The following NMBR variants were observed in gnomAD, a reference collection of about 807,000 sequenced individuals.
The protein encoded by NMBR is neuromedin-B receptor.
In NMBR, 16 loss-of-function variants were observed where a neutral mutation model predicts 20.5. The observed-to-expected ratio is 0.78, with a 90% confidence interval of 0.53 to 1.19. NMBR has a LOEUF of 1.19. Ranked by LOEUF, NMBR falls within the 50% of genes most tolerant of loss-of-function variation. The probability of loss-of-function intolerance (pLI) is 0.00; values close to 1 mark genes in which losing one functional copy is unlikely to be tolerated. For synonymous variants in NMBR, 212 were observed against 196.6 expected (o/e 1.08, Z -0.65); for missense variants, 582 against 499.1 (o/e 1.17, Z -1.58).
At position 142,080,329 on chromosome 6, in the gene NMBR, T is replaced by TC. The variant is rs1430749695; in HGVS notation, c.423-1427_423-1426insG. Among the ~76,000 whole-genome samples, 4 of 149,652 alleles carry TC rather than the reference T, an allele frequency of 2.7e-5. No individual in the cohort carries two copies. In the South Asian group the frequency reaches 6.4e-4, roughly 24 times the overall value. ...CCTATATCTTTTTTTTTTTTTTTTTTTGACAGGGTCTCACTCTGTCACCCA... is the reference window on the plus strand; with the variant it reads ...CCTATATCTTTTTTTTTTTTTTTTTTCTGACAGGGTCTCACTCTGTCACCCA... On this transcript the variant is annotated intron_variant, in intron 2 of 3. Transcript: ENST00000258042.
chr6:142,108,127 A>G (rs2114586913), intron 1 of NMBR, among the ~76,000 whole-genome samples: 1 of 152,290 alleles, frequency 6.6e-6, no homozygotes, highest in East Asian at 1.9e-4. Context: ...AATGAAAGTA[A>G]CAGAAGTAGA....
At chr6:142,122,482 T>C (rs1028191290) in intron 1 of NMBR, among the ~76,000 whole-genome samples, 3 of 151,968 alleles carry the variant, frequency 2.0e-5, no homozygotes, top group Non-Finnish European at 4.4e-5. Flanking sequence ...AGATCTAAAA[T>C]AATTGATGAA....
rs150035800 is a variant in NMBR, at chr6:142,082,463, A to C, written c.423-3560T>G. ...ACTGAGTCTAATCTAATGATGCCTAAGACGCATCAATATTCAGAAACACAT... is the reference window on the plus strand; with the variant it reads ...ACTGAGTCTAATCTAATGATGCCTACGACGCATCAATATTCAGAAACACAT... On this transcript the variant is annotated intron_variant, in intron 2 of 3. Transcript: ENST00000258042. Among the ~76,000 whole-genome samples, 705 of 152,342 alleles carry C rather than the reference A, an allele frequency of 4.6e-3. 4 individuals are homozygous for C. The highest frequency in any genetic ancestry group is 6.6e-3 in the Non-Finnish European group (450 of 68,034).
At chr6:142,120,751 G>T (rs1408218311) in intron 1 of NMBR, among the ~76,000 whole-genome samples, 1 of 151,892 alleles carries the variant, frequency 6.6e-6, no homozygotes, top group African/African-American at 2.4e-5. Flanking sequence ...CTTAAATAAA[G>T]CTTCAAAGAT....
chr6:142,112,139 C>G (rs1004958760), intron 1 of NMBR, among the ~76,000 whole-genome samples: 3 of 151,998 alleles, frequency 2.0e-5, no homozygotes, highest in African/African-American at 7.3e-5. Context: ...CCAGCATGGG[C>G]AAAATGAAAA....
chr6:142,118,894 T>C (rs1264841453), intron 1 of NMBR, among the ~76,000 whole-genome samples: 1 of 151,958 alleles, frequency 6.6e-6, no homozygotes, highest in Non-Finnish European at 1.5e-5. Flanking sequence ...TTAGATTGGG[T>C]CCATAGGAAA....
chr6:142,121,983 C>T (rs1315408478), intron 1 of NMBR, among the ~76,000 whole-genome samples: 1 of 151,888 alleles, frequency 6.6e-6, no homozygotes, highest in Non-Finnish European at 1.5e-5. Flanking sequence ...CAGAACAAGA[C>T]ACACAGACAT....
At chr6:142,128,160 T>C (rs1778071185) in intron 1 of NMBR, among the ~76,000 whole-genome samples, 1 of 151,984 alleles carries the variant, frequency 6.6e-6, no homozygotes, top group Non-Finnish European at 1.5e-5. Context: ...TCCCCACGCT[T>C]TCTCTCTCTC....
chr6:142,109,340 G>A (rs1777717758), intron 1 of NMBR, among the ~76,000 whole-genome samples: 1 of 152,210 alleles, frequency 6.6e-6, no homozygotes, highest in South Asian at 2.1e-4. Flanking sequence ...ACTGGGACTC[G>A]AGGATATAAG....
At chr6:142,128,939 T>C (rs1778088802) in intron 1 of NMBR, among the ~76,000 whole-genome samples, 1 of 91,356 alleles carries the variant, frequency 1.1e-5, no homozygotes, top group South Asian at 4.0e-4. Context: ...GTATTCATTC[T>C]TCTTTGAATG....
chr6:142,114,102 A>G (rs1321316479), intron 1 of NMBR, among the ~76,000 whole-genome samples: 1 of 152,128 alleles, frequency 6.6e-6, no homozygotes, highest in Non-Finnish European at 1.5e-5. Context: ...TGCAGCTGCA[A>G]AGTGTTCTGG....
At chr6:142,119,885 T>C (rs112652903) in intron 1 of NMBR, among the ~76,000 whole-genome samples, 2,337 of 152,102 alleles carry the variant, frequency 0.015, 49 homozygotes, top group South Asian at 0.07. Flanking sequence ...GTTGGCTTCA[T>C]TTTAAGTATA....
At chr6:142,078,187 G>A (rs1158194988) in intron 3 of NMBR, among the ~76,000 whole-genome samples, 1 of 152,164 alleles carries the variant, frequency 6.6e-6, no homozygotes. Flanking sequence ...ATCCTTAGTG[G>A]GTTAATGGGA....
chr6:142,101,021 C>T (rs555235873), intron 1 of NMBR, among the ~76,000 whole-genome samples: 2 of 152,274 alleles, frequency 1.3e-5, no homozygotes, highest in Admixed American at 6.5e-5. Context: ...ATCAGGTAGC[C>T]TCCTGAGCCA....
chr6:142,102,840 C>A (rs962907451), intron 1 of NMBR, among the ~76,000 whole-genome samples: 5 of 152,142 alleles, frequency 3.3e-5, no homozygotes, highest in Admixed American at 2.0e-4. Context: ...AAATAGACCC[C>A]ATGAGTGTAC....
At position 142,088,442 on chromosome 6, in the gene NMBR, C is replaced by A. The variant is rs375237353; in HGVS notation, c.217G>T (p.Ala73Ser). The change falls in exon 2 of 4, where the codon GCC (alanine) becomes TCC (serine). Residue 73 changes from alanine to serine, a missense_variant. Transcript: ENST00000258042. ...AAGATGTTGGGGACGCTCCTCATGG[C>A]GCTGTTGGTGATGAAGATCTTCACC... ...MLVKIFITNS[A>S]MRSVPNIFIS... The A allele has an allele frequency of 2.2e-4, 352 of 1,613,890 alleles. No individual in the cohort carries two copies. The highest frequency in any genetic ancestry group is 2.8e-4 in the Non-Finnish European group (327 of 1,179,994).
At chr6:142,099,807 C>G (rs1217062835) in intron 1 of NMBR, among the ~76,000 whole-genome samples, 1 of 152,110 alleles carries the variant, frequency 6.6e-6, no homozygotes, top group South Asian at 2.1e-4. Context: ...ATACAAGTAT[C>G]ACGTAGAACT....
Position 142,075,955 on chromosome 6 carries a change from C to G in NMBR, c.866G>C (p.Arg289Pro), listed in dbSNP as rs771956710. ...ATCAATCTCATTATAGTTGAAAGAC[C>G]GATACATGTAAAGGATGTGGTTTGG... Reference protein sequence around the residue: ...WFPNHILYMYRSFNYNEIDPS... With the variant: ...WFPNHILYMYPSFNYNEIDPS... The change falls in exon 4 of 4, where the codon CGG (arginine) becomes CCG (proline). Residue 289 changes from arginine to proline, a missense_variant. Arg to Pro is a moderately radical substitution (Grantham distance 103). Coordinates refer to ENST00000258042, the MANE Select transcript of NMBR (RefSeq NM_002511.4). 2 of 1,613,564 alleles carry G rather than the reference C, an allele frequency of 1.2e-6. No individual in the cohort carries two copies. Among genetic ancestry groups the G allele is most frequent in the South Asian group, 1.1e-5 (1 of 91,026 alleles).
In NMBR at chr6:142,075,585, C is replaced by A; in HGVS notation, c.*63G>T. The A allele has an allele frequency of 6.8e-7, 1 of 1,463,446 alleles. No homozygotes were observed. The highest frequency in any genetic ancestry group is 9.2e-7 in the Non-Finnish European group (1 of 1,090,428). 90.7% of individuals were successfully genotyped at this position (1,463,446 alleles called of 1,614,324 possible). A position where few individuals can be genotyped will look rare whatever the true frequency, so the allele number is the denominator to read the frequency against. On this transcript the variant is annotated 3_prime_UTR_variant, in exon 4 of 4. Coordinates refer to ENST00000258042, the MANE Select transcript of NMBR (RefSeq NM_002511.4). The stretch of plus-strand genomic sequence containing the variant: ...TAGCTAAGCAACAGCAAGTTCTGAT[C>A]TGCCGAATAGGAATTTTAACAGTTA...
Sources: allele counts gnomAD v4.1 joint callset (sites outside exome capture counted in the v4.1 genomes callset), GRCh38; gene constraint gnomAD v4.1.1; transcripts MANE v1.5; gene names NCBI Gene and HGNC (gene_info 2026-07-23, HGNC 2026-07-21).